Variants in CAMK1D observed in about 807,000 individuals in gnomAD.
CAMK1D encodes the protein calcium/calmodulin dependent protein kinase ID, also known as calcium/calmodulin-dependent protein kinase type 1D.
In CAMK1D, 9 loss-of-function variants were observed where a neutral mutation model predicts 47.7. That is an observed-to-expected ratio of 0.19 (90% CI 0.11 to 0.33). The LOEUF (loss-of-function observed/expected upper bound fraction) is 0.33. Among genes scored for constraint, CAMK1D ranks in the 10% least tolerant of loss-of-function variants. The pLI is 1.00. For missense variants in CAMK1D, 291 were observed against 488.7 expected (o/e 0.60, Z 3.81); for synonymous variants, 184 against 184.9 (o/e 0.99, Z 0.04).
chr10:12,763,138 G>C (rs893325720), intron 4 of CAMK1D, among the ~76,000 whole-genome samples: 7 of 152,124 alleles, frequency 4.6e-5, no homozygotes, highest in Admixed American at 4.6e-4. Flanking sequence ...TAAGATCACC[G>C]GGCCTGTCGT....
chr10:12,514,746 G>A (rs899411861), intron 1 of CAMK1D, among the ~76,000 whole-genome samples: 6 of 152,202 alleles, frequency 3.9e-5, no homozygotes, highest in Admixed American at 2.0e-4. Context: ...GATATTATTC[G>A]CTTTCCCCAC....
intron 1 of CAMK1D, among the ~76,000 whole-genome samples, chr10:12,530,600 T>A (rs1325340270): frequency 6.6e-6 from 1 of 152,204 alleles, no homozygotes; most frequent in African/African-American, 2.4e-5. Flanking sequence ...TTTTGTGGGA[T>A]CTTGGAGAAT....
intron 1 of CAMK1D, among the ~76,000 whole-genome samples, chr10:12,357,090 T>G (rs951923640): frequency 6.6e-6 from 1 of 151,692 alleles, no homozygotes; most frequent in African/African-American, 2.4e-5. Context: ...CTGGGAGGGC[T>G]TAGGCATGGG....
intron 1 of CAMK1D, among the ~76,000 whole-genome samples, chr10:12,364,963 CTTT>C (rs112350234): frequency 6.9e-6 from 1 of 144,370 alleles, no homozygotes; most frequent in African/African-American, 2.5e-5. Context: ...CTCTCTGATT[CTTT>C]TTTTTTTTTT....
chr10:12,434,424 C>T (rs1169029637), intron 1 of CAMK1D, among the ~76,000 whole-genome samples: 1 of 152,080 alleles, frequency 6.6e-6, no homozygotes, highest in Non-Finnish European at 1.5e-5. Flanking sequence ...TCATGGATGC[C>T]CATGAGATGC....
chr10:12,448,227 A>G (rs1310595106), intron 1 of CAMK1D, among the ~76,000 whole-genome samples: 2 of 133,934 alleles, frequency 1.5e-5, no homozygotes, highest in Admixed American at 7.3e-5. Context: ...GTTTCTCTAT[A>G]TTGCCCAGGC....
chr10:12,498,172 G>A (rs1279991805), intron 1 of CAMK1D, among the ~76,000 whole-genome samples: 1 of 152,228 alleles, frequency 6.6e-6, no homozygotes, highest in East Asian at 1.9e-4. Flanking sequence ...TGGGGACACA[G>A]CCAAACCATA....
chr10:12,454,594 C>T (rs1044199414), intron 1 of CAMK1D, among the ~76,000 whole-genome samples: 2 of 152,210 alleles, frequency 1.3e-5, no homozygotes, highest in Admixed American at 1.3e-4. Flanking sequence ...TCCCGAGTAG[C>T]TGGGACTATA....
chr10:12,426,960 C>T (rs941253431), intron 1 of CAMK1D, among the ~76,000 whole-genome samples: 2 of 152,204 alleles, frequency 1.3e-5, no homozygotes, highest in Non-Finnish European at 2.9e-5. Flanking sequence ...AGTGATCCGC[C>T]TGCCTCGGCC....
At chr10:12,460,199 T>C (rs912528194) in intron 1 of CAMK1D, among the ~76,000 whole-genome samples, 1 of 152,212 alleles carries the variant, frequency 6.6e-6, no homozygotes, top group South Asian at 2.1e-4. Flanking sequence ...CCTCTGTCAT[T>C]TTAGGAAATG....
intron 1 of CAMK1D, among the ~76,000 whole-genome samples, chr10:12,368,428 A>G (rs1163390470): frequency 1.3e-5 from 2 of 152,082 alleles, no homozygotes; most frequent in Non-Finnish European, 2.9e-5. Flanking sequence ...TTGTTGGGTA[A>G]ATGAATGGAT....
At chr10:12,708,211 G>A (rs547868902) in intron 3 of CAMK1D, among the ~76,000 whole-genome samples, 12 of 152,162 alleles carry the variant, frequency 7.9e-5, no homozygotes, top group Admixed American at 2.0e-4. Context: ...TGCCACCTGT[G>A]CTGTGGGGCT....
At chr10:12,424,461 T>G (rs1253791032) in intron 1 of CAMK1D, among the ~76,000 whole-genome samples, 1 of 152,104 alleles carries the variant, frequency 6.6e-6, no homozygotes, top group Non-Finnish European at 1.5e-5. Context: ...CTACCTATTT[T>G]TAGGAACGCC....
intron 3 of CAMK1D, among the ~76,000 whole-genome samples, chr10:12,743,367 G>GA (rs1406017878): frequency 8.4e-4 from 116 of 138,746 alleles, no homozygotes; most frequent in African/African-American, 3.2e-3. Context: ...AAAGAAAAAA[G>GA]AAAAAAAGAA....
chr10:12,452,347 TCTTC>T (rs1564348394), intron 1 of CAMK1D, among the ~76,000 whole-genome samples: 1 of 151,958 alleles, frequency 6.6e-6, no homozygotes, highest in African/African-American at 2.4e-5. Context: ...CTAGCCCCTT[TCTTC>T]CTTTCATTTA....
chr10:12,767,661 C>T lies in CAMK1D; in HGVS notation c.439-2012C>T, dbSNP rs113944818. Among the ~76,000 whole-genome samples the T allele has an allele frequency of 2.1e-3, 320 of 152,160 alleles. 1 individual carries two copies. Among genetic ancestry groups the T allele is most frequent in the African/African-American group, 7.2e-3 (299 of 41,520 alleles). On this transcript the variant is annotated intron_variant, in intron 4 of 10. Transcript: ENST00000619168. ...TGTACATTGGCTAGGTATGAAAAGG[C>T]GGCACAACTCAAAGCAGAGGCTTCC...
chr10:12,525,575 A>C (rs1835594808), intron 1 of CAMK1D, among the ~76,000 whole-genome samples: 1 of 152,128 alleles, frequency 6.6e-6, no homozygotes. Flanking sequence ...ATTTTTTCCA[A>C]AATTTTTACT....
intron 2 of CAMK1D, among the ~76,000 whole-genome samples, chr10:12,628,753 A>G (rs1005583874): frequency 6.6e-5 from 10 of 152,178 alleles, no homozygotes; most frequent in South Asian, 2.1e-4. Context: ...TTTCACTGCT[A>G]TACAAATCCT....
chr10:12,369,656 A>G (rs1401196649), intron 1 of CAMK1D, among the ~76,000 whole-genome samples: 1 of 152,124 alleles, frequency 6.6e-6, no homozygotes, highest in African/African-American at 2.4e-5. Context: ...TTTTAATAAT[A>G]TATTTAAATA....
Sources: allele counts gnomAD v4.1 joint callset (sites outside exome capture counted in the v4.1 genomes callset), GRCh38; gene constraint gnomAD v4.1.1; transcripts MANE v1.5; gene names NCBI Gene and HGNC (gene_info 2026-07-23, HGNC 2026-07-21).